Variants in YAE1 observed in about 807,000 individuals in gnomAD.
The protein encoded by YAE1 is protein YAE1 homolog.
In YAE1, 22 loss-of-function variants were observed where a neutral mutation model predicts 23.0. That is an observed-to-expected ratio of 0.96 (90% CI 0.68 to 1.37). The LOEUF is 1.37. Ranked by LOEUF, YAE1 falls within the 40% of genes most tolerant of loss-of-function variation. The pLI is 0.00. For synonymous variants in YAE1, 101 were observed against 97.0 expected, an observed-to-expected ratio of 1.04 and a Z score of -0.24; for missense variants, 260 against 262.1, an observed-to-expected ratio of 0.99 and a Z score of 0.06.
At chr7:39,608,041 C>G (rs1247109124) in intron 2 of YAE1, among the ~76,000 whole-genome samples, 1 of 152,172 alleles carries the variant, frequency 6.6e-6, no homozygotes, top group Admixed American at 6.5e-5. Context: ...TAATAGCCTT[C>G]AGGCCAAATC....
chr7:39,606,465 A>G (rs762195125), intron 2 of YAE1, among the ~76,000 whole-genome samples: 4 of 152,358 alleles, frequency 2.6e-5, no homozygotes, highest in Non-Finnish European at 4.4e-5. Context: ...ATTCTCTTTG[A>G]CAGTGATTAG....
chr7:39,572,921 T>C (rs1420450348), downstream of YAE1: 5 of 1,142,416 alleles, frequency 4.4e-6, no homozygotes, highest in East Asian at 1.6e-4. Flanking sequence ...TTTTAAGATA[T>C]GGTCAGAAAT....
intron 2 of YAE1, among the ~76,000 whole-genome samples, chr7:39,582,225 G>A (rs1028563275): frequency 6.6e-5 from 10 of 151,480 alleles, no homozygotes; most frequent in African/African-American, 2.4e-4. Flanking sequence ...TTGAGATAGG[G>A]CCTCACTGTG....
chr7:39,610,204 A>G, exon 3 of YAE1: 2 of 625,374 alleles, frequency 3.2e-6, no homozygotes, highest in South Asian at 2.0e-5. Context: ...GCAGAGCAAT[A>G]CGAGTCGTTT....
intron 1 of YAE1, chr7:39,570,207 C>T (rs1352094917): frequency 3.1e-6 from 2 of 636,188 alleles, no homozygotes; most frequent in Non-Finnish European, 5.4e-6. Context: ...ATGTCTGCCG[C>T]TTGCCCACCT....
At chr7:39,592,020 AT>A (rs1346546741) in intron 2 of YAE1, among the ~76,000 whole-genome samples, 2 of 152,116 alleles carry the variant, frequency 1.3e-5, no homozygotes, top group Admixed American at 6.6e-5. Flanking sequence ...TTGATAGCTC[AT>A]TTCTTTTTAG....
At chr7:39,603,106 G>A (rs1791076789) in intron 2 of YAE1, among the ~76,000 whole-genome samples, 1 of 152,072 alleles carries the variant, frequency 6.6e-6, no homozygotes, top group African/African-American at 2.4e-5. Context: ...ACCCAAAGTA[G>A]ATGGCCTCTA....
intron 2 of YAE1, among the ~76,000 whole-genome samples, chr7:39,583,864 C>T (rs1790778303): frequency 6.6e-6 from 1 of 152,128 alleles, no homozygotes; most frequent in Non-Finnish European, 1.5e-5. Flanking sequence ...GTCAGACCTA[C>T]CTCCTAGGGT....
intron 1 of YAE1, chr7:39,570,091 G>T: frequency 2.7e-6 from 3 of 1,123,054 alleles, no homozygotes; most frequent in East Asian, 2.4e-5. Context: ...TCCAGTTCTT[G>T]TCTGTGATGA....
chr7:39,579,129 A>G (rs1427002109), intron 2 of YAE1, among the ~76,000 whole-genome samples: 1 of 152,228 alleles, frequency 6.6e-6, no homozygotes, highest in African/African-American at 2.4e-5. Context: ...TGTAGGCACT[A>G]TATTCTAAAA....
intron 2 of YAE1, among the ~76,000 whole-genome samples, chr7:39,578,719 C>CA (rs1225829574): frequency 6.6e-6 from 1 of 152,086 alleles, no homozygotes; most frequent in East Asian, 1.9e-4. Context: ...AACCTCCGGA[C>CA]ACACCACCTT....
At chr7:39,571,395 T>TA (rs1378638180) in intron 2 of YAE1, among the ~76,000 whole-genome samples, 1 of 151,712 alleles carries the variant, frequency 6.6e-6, no homozygotes, top group African/African-American at 2.4e-5. Context: ...CCCTGCTTTA[T>TA]ACCCTTTACA....
chr7:39,600,603 G>A (rs566077024), intron 2 of YAE1, among the ~76,000 whole-genome samples: 2 of 152,156 alleles, frequency 1.3e-5, no homozygotes, highest in Middle Eastern at 6.8e-3. Flanking sequence ...CGCCATGTTG[G>A]TCAGGCTGGT....
intron 2 of YAE1, among the ~76,000 whole-genome samples, chr7:39,580,866 C>G (rs1304862516): frequency 2.0e-5 from 3 of 152,020 alleles, no homozygotes; most frequent in Non-Finnish European, 2.9e-5. Flanking sequence ...AAAACCTGTT[C>G]AAAAGAAAAA....
intron 2 of YAE1, among the ~76,000 whole-genome samples, chr7:39,581,698 C>T (rs1288149027): frequency 1.3e-5 from 2 of 151,662 alleles, no homozygotes; most frequent in East Asian, 2.0e-4. Flanking sequence ...ATAGGGAGAC[C>T]GCATCTCTAC....
At position 39,579,415 on chromosome 7, in the gene YAE1, C is replaced by A. The variant is rs1790708478; in HGVS notation, c.251+8788C>A. On this transcript the variant is annotated intron_variant, in intron 2 of 2. Transcript: ENST00000432096. ...TATGTGTTTACTTTGCTGTTAATTT[C>A]TATTTTTCTATGAGAGGCCGAGGTG... 2.6e-5 allele frequency among the ~76,000 whole-genome samples: 4 copies of A among 152,166 alleles called. No individual in the cohort carries two copies. The South Asian group carries it at 8.3e-4, about 32-fold the overall frequency.
chr7:39,588,853 T>G (rs1583677722), intron 2 of YAE1, among the ~76,000 whole-genome samples: 1 of 152,014 alleles, frequency 6.6e-6, no homozygotes, highest in East Asian at 1.9e-4. Flanking sequence ...AGACAGAGTC[T>G]TTATCTGTCG....
intron 2 of YAE1, among the ~76,000 whole-genome samples, chr7:39,603,872 G>A (rs1441550912): frequency 1.3e-5 from 2 of 152,142 alleles, no homozygotes; most frequent in African/African-American, 2.4e-5. Context: ...GTCATTCTGA[G>A]GAAATTCAAA....
chr7:39,587,858 G>A (rs1245365782), intron 2 of YAE1, among the ~76,000 whole-genome samples: 1 of 152,148 alleles, frequency 6.6e-6, no homozygotes, highest in African/African-American at 2.4e-5. Context: ...GGGGTGCTGT[G>A]TCTAAAAACC....
Sources: allele counts gnomAD v4.1 joint callset (sites outside exome capture counted in the v4.1 genomes callset), GRCh38; gene constraint gnomAD v4.1.1; transcripts MANE v1.5; gene names NCBI Gene and HGNC (gene_info 2026-07-23, HGNC 2026-07-21).